PARM1: variants seen among roughly 807,000 people sequenced by gnomAD.
The protein encoded by PARM1 is prostate androgen-regulated mucin-like protein 1.
In PARM1, 14 loss-of-function variants were observed where a neutral mutation model predicts 24.6. The ratio of observed to expected loss-of-function variants is 0.57; its 90% CI spans 0.38 to 0.89. PARM1 has a LOEUF of 0.89. PARM1 is among the 40% of genes least tolerant of loss of function. The pLI is 0.00. For synonymous variants in PARM1, 179 were observed against 156.6 expected (o/e 1.14, Z -1.07); for missense variants, 362 against 380.4 (o/e 0.95, Z 0.40).
Position 75,046,355 on chromosome 4 carries a change from G to A in PARM1, c.*108G>A, listed in dbSNP as rs1179452014. 5.6e-6 allele frequency: 4 copies of A among 708,100 alleles called. No homozygotes were observed. Among genetic ancestry groups the A allele is most frequent in the Admixed American group, 5.0e-5 (2 of 39,664 alleles). 43.9% of individuals were successfully genotyped at this position (708,100 alleles called of 1,614,324 possible). ...GCATTGAACGACAATCTTAAGCCCT[G>A]TTTTGTTGGTATGGTTGTTTTTGTT... On this transcript the variant is annotated 3_prime_UTR_variant, in exon 4 of 4. Transcript: ENST00000307428.
At chr4:74,945,770 A>C (rs896299701) in intron 1 of PARM1, among the ~76,000 whole-genome samples, 1 of 152,256 alleles carries the variant, frequency 6.6e-6, no homozygotes, top group African/African-American at 2.4e-5. Context: ...AAAGAAAAAC[A>C]GCCCTCAGAA....
At chr4:74,976,622 C>T (rs1452345734) in intron 1 of PARM1, among the ~76,000 whole-genome samples, 6 of 152,236 alleles carry the variant, frequency 3.9e-5, no homozygotes, top group African/African-American at 1.4e-4. Context: ...TTAAGTGGGT[C>T]ACTGATCTGG....
At chr4:74,985,216 C>T (rs1299111987) in intron 1 of PARM1, among the ~76,000 whole-genome samples, 2 of 152,214 alleles carry the variant, frequency 1.3e-5, no homozygotes, top group Non-Finnish European at 2.9e-5. Flanking sequence ...GGACCAAGCC[C>T]TCCATACCTT....
In PARM1 at chr4:75,047,193, G is replaced by A. The variant is rs891974402; in HGVS notation, c.*946G>A. 3 of 152,196 alleles carry A rather than the reference G, an allele frequency of 2.0e-5. No homozygotes were observed. Among genetic ancestry groups the A allele is most frequent in the African/African-American group, 4.8e-5 (2 of 41,432 alleles). 9.4% of individuals were successfully genotyped at this position (152,196 alleles called of 1,614,324 possible). On this transcript the variant is annotated 3_prime_UTR_variant, in exon 4 of 4. Transcript: ENST00000307428. ...CCAGAGATATCCACAGCTTGGAGGA[G>A]CCCAGAGACCGTTTGCTTTATACCC...
chr4:75,000,387 A>T (rs1722655176), intron 1 of PARM1, among the ~76,000 whole-genome samples: 1 of 152,168 alleles, frequency 6.6e-6, no homozygotes, highest in Non-Finnish European at 1.5e-5. Context: ...GGAAGTCTGG[A>T]GATAGGCATC....
intron 1 of PARM1, among the ~76,000 whole-genome samples, chr4:74,971,252 A>G (rs575118761): frequency 2.6e-5 from 4 of 152,272 alleles, no homozygotes; most frequent in Non-Finnish European, 5.9e-5. Flanking sequence ...TAAGCAAGAG[A>G]GTGTGTACAG....
At chr4:74,984,347 C>T (rs1722311454) in intron 1 of PARM1, among the ~76,000 whole-genome samples, 1 of 152,192 alleles carries the variant, frequency 6.6e-6, no homozygotes, top group Non-Finnish European at 1.5e-5. Context: ...CCTTGACCCA[C>T]ATAGAAAATG....
intron 2 of PARM1, among the ~76,000 whole-genome samples, chr4:75,028,397 T>G (rs1385796206): frequency 1.3e-5 from 2 of 152,220 alleles, no homozygotes; most frequent in Admixed American, 1.3e-4. Flanking sequence ...TGAGACAAAA[T>G]GTTCCTTTCC....
At chr4:74,939,405 C>T (rs896409006) in intron 1 of PARM1, among the ~76,000 whole-genome samples, 4 of 152,084 alleles carry the variant, frequency 2.6e-5, no homozygotes, top group African/African-American at 9.7e-5. Flanking sequence ...TTTCTATAGC[C>T]TCCCTAAATG....
intron 1 of PARM1, among the ~76,000 whole-genome samples, chr4:74,953,803 C>G (rs965743539): frequency 1.3e-5 from 2 of 152,184 alleles, no homozygotes; most frequent in Admixed American, 6.6e-5. Flanking sequence ...CTGAGAACAT[C>G]CTGGCCTCTC....
intron 2 of PARM1, among the ~76,000 whole-genome samples, chr4:75,020,065 T>C (rs995101115): frequency 1.4e-5 from 2 of 145,244 alleles, no homozygotes; most frequent in African/African-American, 5.1e-5. Flanking sequence ...AAAATGTATA[T>C]TGTAGTAAGT....
At chr4:75,034,958 A>G (rs1723341283) in intron 3 of PARM1, 1 of 152,242 alleles carries the variant, frequency 6.6e-6, no homozygotes, top group Non-Finnish European at 1.5e-5. Context: ...CAATCATCAC[A>G]TCCCTCTCTC....
intron 1 of PARM1, among the ~76,000 whole-genome samples, chr4:74,959,568 T>C (rs1249491608): frequency 1.3e-5 from 2 of 152,224 alleles, no homozygotes; most frequent in Non-Finnish European, 2.9e-5. Context: ...AACTCACTGA[T>C]AGATATTTTA....
At position 74,942,396 on chromosome 4, in the gene PARM1, A is replaced by G. The variant is rs376742033; in HGVS notation, c.43+9026A>G. ...CTCAGGGAATTTACATTCTTTGAGG[A>G]TGATAAATTTTGACTTAGTCAAAGG... is the stretch of plus-strand genomic sequence containing the variant. On this transcript the variant is annotated intron_variant, in intron 1 of 3. Transcript: ENST00000307428. Among the ~76,000 whole-genome samples the G allele has an allele frequency of 8.7e-4, 133 of 152,362 alleles. 1 individual carries two copies. The highest frequency in any genetic ancestry group is 3.1e-3 in the African/African-American group (129 of 41,580).
intron 1 of PARM1, among the ~76,000 whole-genome samples, chr4:74,963,890 G>T (rs564858499): frequency 6.6e-6 from 1 of 152,166 alleles, no homozygotes; most frequent in Non-Finnish European, 1.5e-5. Context: ...ATCAGGTGTA[G>T]ACAAAGACAA....
intron 1 of PARM1, among the ~76,000 whole-genome samples, chr4:74,936,519 T>A (rs1336465112): frequency 6.6e-6 from 1 of 151,122 alleles, no homozygotes; most frequent in Non-Finnish European, 1.5e-5. Context: ...AGTGGCGCGA[T>A]CTCAGCTCAC....
intron 1 of PARM1, among the ~76,000 whole-genome samples, chr4:74,980,895 G>A (rs1039770071): frequency 2.6e-5 from 4 of 152,160 alleles, no homozygotes; most frequent in Non-Finnish European, 5.9e-5. Flanking sequence ...TTAATAAATG[G>A]TGCTGGGAAA....
intron 1 of PARM1, among the ~76,000 whole-genome samples, chr4:74,978,669 G>T (rs1722185816): frequency 6.6e-6 from 1 of 152,120 alleles, no homozygotes; most frequent in African/African-American, 2.4e-5. Context: ...ATTCTTCTCA[G>T]AATTGCCTGA....
intron 1 of PARM1, among the ~76,000 whole-genome samples, chr4:74,977,608 T>G (rs1408271554): frequency 6.6e-6 from 1 of 152,048 alleles, no homozygotes; most frequent in Non-Finnish European, 1.5e-5. Context: ...TCCTGGAAAT[T>G]CAGAGAACCC....
Sources: gnomAD v4.1 joint callset for allele counts (sites outside exome capture counted in the v4.1 genomes callset) on GRCh38, gnomAD v4.1.1 for gene constraint, MANE v1.5 for transcripts, NCBI Gene and HGNC (gene_info 2026-07-23, HGNC 2026-07-21) for gene names.